The following TGFA variants were observed in gnomAD, a reference collection of about 807,000 sequenced individuals.
The protein encoded by TGFA is protransforming growth factor alpha.
In TGFA, 12 loss-of-function variants were observed where a neutral mutation model predicts 21.7. The ratio of observed to expected loss-of-function variants is 0.55; its 90% confidence interval spans 0.35 to 0.90. The LOEUF is 0.90. Ranked by LOEUF, TGFA falls within the 40% of genes least tolerant of loss-of-function variation. TGFA has a pLI of 0.01. For missense variants in TGFA, 178 were observed against 210.8 expected (o/e 0.84, Z 0.96); for synonymous variants, 79 against 88.1 (o/e 0.90, Z 0.58).
At chr2:70,511,360 G>A (rs74323322) in intron 2 of TGFA, among the ~76,000 whole-genome samples, 1 of 152,130 alleles carries the variant, frequency 6.6e-6, no homozygotes, top group Non-Finnish European at 1.5e-5. Flanking sequence ...ATTGATTCTG[G>A]GATTGAGTAA....
chr2:70,505,264 C>A (rs192414041), intron 2 of TGFA, among the ~76,000 whole-genome samples: 2 of 152,192 alleles, frequency 1.3e-5, no homozygotes, highest in Admixed American at 1.3e-4. Flanking sequence ...AAAAATGGAT[C>A]TTTATTCTGA....
At chr2:70,488,301 TATAA>T (rs1671326920) in intron 2 of TGFA, among the ~76,000 whole-genome samples, 1 of 152,240 alleles carries the variant, frequency 6.6e-6, no homozygotes, top group Non-Finnish European at 1.5e-5. Flanking sequence ...CTTAAGATTA[TATAA>T]ATATTTACCT....
At chr2:70,503,617 T>A (rs1165186628) in intron 2 of TGFA, among the ~76,000 whole-genome samples, 1 of 151,386 alleles carries the variant, frequency 6.6e-6, no homozygotes, top group African/African-American at 2.4e-5. Context: ...AAGGTCATAG[T>A]CCCCAGGGGG....
chr2:70,505,516 A>T (rs1280640046), intron 2 of TGFA, among the ~76,000 whole-genome samples: 2 of 152,172 alleles, frequency 1.3e-5, no homozygotes, highest in African/African-American at 4.8e-5. Context: ...CAGATTTCAT[A>T]GCAATACCCG....
chr2:70,460,107 A>G (rs1164781804), intron 3 of TGFA, among the ~76,000 whole-genome samples: 6 of 152,334 alleles, frequency 3.9e-5, no homozygotes, highest in African/African-American at 9.6e-5. Flanking sequence ...GCCACCATGA[A>G]GTTTTTAACA....
chr2:70,520,237 C>T lies in TGFA; in HGVS notation c.41-5325G>A, dbSNP rs151309539. Reference sequence around the variant, plus strand: ...CTTCAACGAAGGGTTTTACTTGAGGCCCCGGGGTCGCCCAGCTGCAGGCTA... The same window carrying T: ...CTTCAACGAAGGGTTTTACTTGAGGTCCCGGGGTCGCCCAGCTGCAGGCTA... On this transcript the variant is annotated intron_variant, in intron 1 of 5. Coordinates refer to ENST00000295400, the MANE Select transcript of TGFA (RefSeq NM_003236.4). 4.4e-4 allele frequency among the ~76,000 whole-genome samples: 67 copies of T among 152,230 alleles called. No individual in the cohort carries two copies. The East Asian group carries it at 0.01, about 23-fold the overall frequency.
chr2:70,477,893 C>G (rs550524914), intron 2 of TGFA, among the ~76,000 whole-genome samples: 20 of 152,290 alleles, frequency 1.3e-4, no homozygotes, highest in Middle Eastern at 3.4e-3. Flanking sequence ...TACTCTAATG[C>G]CAAGCCTGAA....
At chr2:70,502,904 C>T (rs1381343918) in intron 2 of TGFA, among the ~76,000 whole-genome samples, 3 of 152,206 alleles carry the variant, frequency 2.0e-5, no homozygotes, top group African/African-American at 7.2e-5. Flanking sequence ...TTCATTCTCA[C>T]GGAGACCCTG....
chr2:70,514,901 C>T lies in TGFA; in HGVS notation c.52G>A (p.Ala18Thr). ...CTGTTCTCCAAGGCCTGGCACGCAG[C>T]CAACACAATACCTGTTGGGTGGAGG... ...LALFALGIVL[A>T]ACQALENSTS... Residue 18 changes from alanine to threonine, a missense_variant, in exon 2 of 6, where the codon GCT (alanine) becomes ACT (threonine). Physicochemically the swap from Ala to Thr is moderately conservative, Grantham distance 58. Coordinates refer to ENST00000295400, the MANE Select transcript of TGFA (RefSeq NM_003236.4). 2.5e-6 allele frequency: 4 copies of T among 1,613,962 alleles called. No individual in the cohort carries two copies. The highest frequency in any genetic ancestry group is 3.4e-6 in the Non-Finnish European group (4 of 1,179,978).
rs1421628498 is a variant in TGFA at position 70,480,848 on chromosome 2, G to A, written c.95-15112C>T. Among the ~76,000 whole-genome samples the A allele has an allele frequency of 2.6e-5, 4 of 151,498 alleles. No individual in the cohort carries two copies. The East Asian group carries it at 5.8e-4, about 22-fold the overall frequency. On this transcript the variant is annotated intron_variant, in intron 2 of 5. Coordinates refer to ENST00000295400, the MANE Select transcript of TGFA (RefSeq NM_003236.4). ...TCTCCAAGGTGTGCCAGGATTCCCC[G>A]TGAGGAAAACTCCATGCCAACATTC...
chr2:70,465,396 G>T (rs929229055), intron 3 of TGFA, among the ~76,000 whole-genome samples: 1 of 152,130 alleles, frequency 6.6e-6, no homozygotes, highest in Non-Finnish European at 1.5e-5. Context: ...ACTTCCCGGG[G>T]TTCTGCCTCA....
chr2:70,510,867 G>A (rs939720585), intron 2 of TGFA, among the ~76,000 whole-genome samples: 9 of 152,190 alleles, frequency 5.9e-5, no homozygotes, highest in South Asian at 2.1e-4. Flanking sequence ...AAGGCCAGGC[G>A]TGGTGACTCA....
At chr2:70,498,642 C>A (rs1671645440) in intron 2 of TGFA, among the ~76,000 whole-genome samples, 1 of 151,838 alleles carries the variant, frequency 6.6e-6, no homozygotes, top group Non-Finnish European at 1.5e-5. Flanking sequence ...GTGGATGCTG[C>A]CCCTCCTCTC....
chr2:70,520,365 A>C (rs1302088597), intron 1 of TGFA, among the ~76,000 whole-genome samples: 1 of 152,020 alleles, frequency 6.6e-6, no homozygotes, highest in South Asian at 2.1e-4. Context: ...AAATACAAAA[A>C]TCAGCTGGGT....
At chr2:70,510,335 T>G (rs1391867871) in intron 2 of TGFA, among the ~76,000 whole-genome samples, 1 of 152,216 alleles carries the variant, frequency 6.6e-6, no homozygotes, top group African/African-American at 2.4e-5. Context: ...ACCTTGGGCC[T>G]ATGACAATTA....
intron 2 of TGFA, among the ~76,000 whole-genome samples, chr2:70,497,800 C>T (rs939603846): frequency 3.3e-5 from 5 of 152,188 alleles, no homozygotes; most frequent in Admixed American, 3.3e-4. Flanking sequence ...TCACAGCTAT[C>T]CAGGCTAAGC....
intron 1 of TGFA, among the ~76,000 whole-genome samples, chr2:70,544,935 A>G (rs1673245671): frequency 2.6e-5 from 4 of 152,168 alleles, no homozygotes. Context: ...TAGAAAGAAT[A>G]AGATCTAGTA....
Position 70,535,494 on chromosome 2 carries a change from A to G in TGFA, c.40+18234T>C, listed in dbSNP as rs1172079054. ...TATTCATTCCATTGCCTCTATAAGC[A>G]TTAAGTAAAGAAAGTAGCTACCTCA... On this transcript the variant is annotated intron_variant, in intron 1 of 5. Transcript: ENST00000295400. 7.9e-5 allele frequency among the ~76,000 whole-genome samples: 12 copies of G among 152,244 alleles called. 1 individual carries two copies. Among genetic ancestry groups the G allele is most frequent in the Non-Finnish European group, 8.8e-5 (6 of 68,048 alleles).
chr2:70,502,808 G>T (rs573452872), intron 2 of TGFA, among the ~76,000 whole-genome samples: 52 of 152,280 alleles, frequency 3.4e-4, no homozygotes, highest in Admixed American at 9.1e-4. Flanking sequence ...TAAATGAAAA[G>T]AATTATAACA....
Sources: gnomAD v4.1 joint callset for allele counts (sites outside exome capture counted in the v4.1 genomes callset) on GRCh38, gnomAD v4.1.1 for gene constraint, MANE v1.5 for transcripts, NCBI Gene and HGNC (gene_info 2026-07-23, HGNC 2026-07-21) for gene names.